CADPS: variants seen among roughly 807,000 people sequenced by gnomAD.
CADPS encodes calcium-dependent secretion activator 1.
In CADPS, 57 loss-of-function variants were observed where a neutral mutation model predicts 167.3. The ratio of observed to expected loss-of-function variants is 0.34; its 90% CI spans 0.28 to 0.42. CADPS has a LOEUF of 0.42. Ranked by LOEUF, CADPS falls within the 20% of genes least tolerant of loss-of-function variation. The pLI is 1.00. For synonymous variants in CADPS, 676 were observed against 635.3 expected (o/e 1.06, Z -0.96); for missense variants, 1,414 against 1,738.1 (o/e 0.81, Z 3.32).
At chr3:62,522,285 T>C (rs1340613430) in intron 13 of CADPS, among the ~76,000 whole-genome samples, 2 of 152,086 alleles carry the variant, frequency 1.3e-5, no homozygotes, top group Non-Finnish European at 2.9e-5. Flanking sequence ...TGCAGAAGCA[T>C]GCCACCATAT....
chr3:62,849,602 C>G (rs1051272267), intron 1 of CADPS, among the ~76,000 whole-genome samples: 2 of 129,258 alleles, frequency 1.5e-5, no homozygotes, highest in Non-Finnish European at 3.3e-5. Context: ...TATATTGAAC[C>G]AGCCTTGCAT....
intron 3 of CADPS, among the ~76,000 whole-genome samples, chr3:62,746,481 T>C (rs530525179): frequency 1.3e-5 from 2 of 152,226 alleles, no homozygotes; most frequent in African/African-American, 2.4e-5. Flanking sequence ...GGACCACAGG[T>C]ACATGCCACC....
chr3:62,684,241 T>C (rs2077600216), intron 3 of CADPS, among the ~76,000 whole-genome samples: 1 of 152,156 alleles, frequency 6.6e-6, no homozygotes, highest in Non-Finnish European at 1.5e-5. Context: ...ATATTTTGAG[T>C]TATAACTCAG....
intron 24 of CADPS, 139 bp downstream of exon 24, chr3:62,474,034 T>A: frequency 1.7e-6 from 1 of 590,050 alleles, no homozygotes; most frequent in Non-Finnish European, 2.9e-6. Context: ...TGAACACTCA[T>A]CCATGGCTTA....
Position 62,516,602 on chromosome 3 carries a change from G to C in CADPS, c.2435C>G (p.Ala812Gly). ...PFGRPEGALK[A>G]TLSLLERVLM... The stretch of plus-strand genomic sequence containing the variant: ...TACCCTTTCCAAGAGTGAGAGAGTA[G>C]CTTTCAAAGCACCTTCAGGTCGACC... The change falls in exon 15 of 30, where the codon GCT (alanine) becomes GGT (glycine). Residue 812 changes from alanine (A) to glycine (G), a missense_variant. By Grantham distance (60) the Ala-to-Gly change is moderately conservative. Coordinates refer to ENST00000383710, the MANE Select transcript of CADPS (RefSeq NM_003716.4). The C allele has an allele frequency of 6.2e-7, 1 of 1,605,130 alleles. No homozygotes were observed. Among genetic ancestry groups the C allele is most frequent in the Non-Finnish European group, 8.5e-7 (1 of 1,173,982 alleles).
intron 1 of CADPS, among the ~76,000 whole-genome samples, chr3:62,825,368 A>C (rs573700755): frequency 6.6e-6 from 1 of 152,286 alleles, no homozygotes; most frequent in Non-Finnish European, 1.5e-5. Context: ...TATGCAAACC[A>C]GCAGCTACAA....
chr3:62,732,505 C>T (rs368074571), intron 3 of CADPS, among the ~76,000 whole-genome samples: 30 of 152,288 alleles, frequency 2.0e-4, no homozygotes, highest in Admixed American at 7.8e-4. Flanking sequence ...AGCTAAGCTG[C>T]GCCCAGATTC....
At chr3:62,792,581 A>G (rs1204441760) in intron 1 of CADPS, among the ~76,000 whole-genome samples, 1 of 151,906 alleles carries the variant, frequency 6.6e-6, no homozygotes, top group Non-Finnish European at 1.5e-5. Flanking sequence ...CATTATAATT[A>G]ATTTACTTAA....
At chr3:62,591,569 G>C (rs34965525) in intron 7 of CADPS, among the ~76,000 whole-genome samples, 21,086 of 152,136 alleles carry the variant, frequency 0.14, 1,999 homozygotes, top group Non-Finnish European at 0.21. Flanking sequence ...GCAGATGGGG[G>C]TGAAGAGGTG....
At chr3:62,471,617 G>T (rs181221104) in intron 24 of CADPS, among the ~76,000 whole-genome samples, 15 of 152,018 alleles carry the variant, frequency 9.9e-5, no homozygotes, top group Non-Finnish European at 2.2e-4. Context: ...AAACATGGCC[G>T]TCATTGAATC....
At chr3:62,406,057 G>C (rs981214278) in intron 28 of CADPS, among the ~76,000 whole-genome samples, 4 of 152,220 alleles carry the variant, frequency 2.6e-5, no homozygotes, top group Non-Finnish European at 5.9e-5. Context: ...AGCTCTCCAA[G>C]ATAGCCACAG....
intron 1 of CADPS, among the ~76,000 whole-genome samples, chr3:62,829,369 G>A (rs1359797406): frequency 6.6e-6 from 1 of 152,140 alleles, no homozygotes; most frequent in African/African-American, 2.4e-5. Flanking sequence ...GAGGCTATGT[G>A]TAGGATACAT....
chr3:62,635,176 T>C (rs1215594917), intron 6 of CADPS, among the ~76,000 whole-genome samples: 5 of 152,154 alleles, frequency 3.3e-5, no homozygotes, highest in Admixed American at 6.5e-5. Flanking sequence ...TCCCGCTACA[T>C]TTGGCTCAAC....
At chr3:62,554,999 C>A (rs1427447362) in intron 10 of CADPS, among the ~76,000 whole-genome samples, 1 of 152,116 alleles carries the variant, frequency 6.6e-6, no homozygotes, top group Non-Finnish European at 1.5e-5. Context: ...GTGATCTGCC[C>A]ACCTCAGCCT....
chr3:62,779,533 C>T, intron 1 of CADPS: 2 of 535,900 alleles, frequency 3.7e-6, no homozygotes, highest in South Asian at 2.8e-5. Context: ...CATGTGGCTG[C>T]CCATTTTGTA....
chr3:62,460,019 AG>A (rs1576355259), intron 26 of CADPS, among the ~76,000 whole-genome samples: 1 of 152,222 alleles, frequency 6.6e-6, no homozygotes, highest in South Asian at 2.1e-4. Context: ...TTTCTGGAAA[AG>A]TCACTAATTG....
At chr3:62,406,682 A>G (rs899833806) in intron 28 of CADPS, among the ~76,000 whole-genome samples, 1 of 152,184 alleles carries the variant, frequency 6.6e-6, no homozygotes, top group African/African-American at 2.4e-5. Flanking sequence ...ACAGCACTAA[A>G]GAAATAAAGC....
intron 3 of CADPS, among the ~76,000 whole-genome samples, chr3:62,731,289 T>C (rs1282270821): frequency 1.3e-5 from 2 of 152,180 alleles, no homozygotes; most frequent in East Asian, 1.9e-4. Flanking sequence ...TATTACAGCA[T>C]TGTGAAATTT....
At chr3:62,688,170 T>C (rs917016809) in intron 3 of CADPS, among the ~76,000 whole-genome samples, 4 of 152,038 alleles carry the variant, frequency 2.6e-5, no homozygotes, top group African/African-American at 9.7e-5. Context: ...GCCTGTCCTA[T>C]TCATTGTAGG....
Sources: gnomAD v4.1 joint callset for allele counts (sites outside exome capture counted in the v4.1 genomes callset) on GRCh38, gnomAD v4.1.1 for gene constraint, MANE v1.5 for transcripts, NCBI Gene and HGNC (gene_info 2026-07-23, HGNC 2026-07-21) for gene names.